Variants in TMX2 observed in about 807,000 individuals in gnomAD.
TMX2 encodes the protein thioredoxin-related transmembrane protein 2.
In TMX2, 20 loss-of-function variants were observed where a neutral mutation model predicts 33.4. The ratio of observed to expected loss-of-function variants is 0.60; its 90% CI spans 0.42 to 0.87. The LOEUF is 0.87. Among genes scored for constraint, TMX2 ranks in the 40% least tolerant of loss-of-function variants. The pLI, the probability that TMX2 is intolerant of heterozygous loss-of-function variation, is 0.00. For synonymous variants in TMX2, 166 were observed against 140.7 expected (o/e 1.18, Z -1.27); for missense variants, 340 against 370.7 (o/e 0.92, Z 0.68).
intron 7 of TMX2, 60 bp downstream of exon 7, chr11:57,739,320 C>T (rs939341323): frequency 1.9e-6 from 3 of 1,593,304 alleles, no homozygotes; most frequent in Non-Finnish European, 2.6e-6. Context: ...GCTTTCAAGC[C>T]CTACCCGGGT....
chr11:57,738,409 C>T lies in TMX2; in HGVS notation c.420C>T (p.Tyr140=). Residue 140 remains tyrosine (Y), a synonymous_variant, in exon 4 of 8, where the codon TAC becomes TAT. Coordinates refer to ENST00000278422, the MANE Select transcript of TMX2 (RefSeq NM_015959.4). ...ATATGGGCCCTGAGTATATCAAGTA[C>T]TTCAATGATAAAACCATTGATGTGA... The part of the protein sequence containing the change: ...PLYMGPEYIK[Y]FNDKTIDEEL... 1.2e-6 allele frequency: 2 copies of T among 1,611,958 alleles called. No individual in the cohort carries two copies. The highest frequency in any genetic ancestry group is 1.7e-6 in the Non-Finnish European group (2 of 1,178,122).
At chr11:57,715,500 C>G (rs553152924) in intron 1 of TMX2, among the ~76,000 whole-genome samples, 151 of 150,048 alleles carry the variant, frequency 1.0e-3, no homozygotes, top group Non-Finnish European at 1.7e-3. Context: ...ATAAACTTTA[C>G]AAACAAATCT....
chr11:57,731,527 A>G (rs1350927409), intron 1 of TMX2, among the ~76,000 whole-genome samples: 1 of 146,884 alleles, frequency 6.8e-6, no homozygotes, highest in African/African-American at 2.5e-5. Flanking sequence ...ATCAAGCTGT[A>G]GAGCACCTTG....
At chr11:57,721,345 GTTTTT>G (rs71061532) in intron 1 of TMX2, among the ~76,000 whole-genome samples, 2 of 105,266 alleles carry the variant, frequency 1.9e-5, no homozygotes, top group Non-Finnish European at 3.9e-5. Flanking sequence ...AATAAATAAA[GTTTTT>G]TTTTTTTTTT....
intron 4 of TMX2, 80 bp from the exon 5 acceptor site, chr11:57,738,584 T>A (rs940841424): frequency 1.8e-4 from 235 of 1,329,850 alleles, no homozygotes; most frequent in Non-Finnish European, 2.0e-4. Context: ...AACACCAGGA[T>A]GAGGAATTAG....
chr11:57,740,281 T>C lies in TMX2; in HGVS notation c.*36T>C, dbSNP rs1949009030. 1.9e-6 allele frequency: 3 copies of C among 1,540,892 alleles called. No homozygotes were observed. Among genetic ancestry groups the C allele is most frequent in the Middle Eastern group, 1.7e-4 (1 of 5,738 alleles). On this transcript the variant is annotated 3_prime_UTR_variant, in exon 8 of 8. Coordinates refer to ENST00000278422, the MANE Select transcript of TMX2 (RefSeq NM_015959.4). ...TTGGCAGTGCTTCCTCTCCTGTCAA[T>C]TCCAGGCTCTTTCCATAACCACAAG...
chr11:57,722,296 C>T (rs566969825), intron 1 of TMX2, among the ~76,000 whole-genome samples: 39 of 152,182 alleles, frequency 2.6e-4, no homozygotes, highest in Non-Finnish European at 4.6e-4. Context: ...GCCACCGCAC[C>T]CAGCTTCAGT....
intron 1 of TMX2, among the ~76,000 whole-genome samples, chr11:57,730,026 C>G (rs989965450): frequency 4.0e-5 from 6 of 151,238 alleles, no homozygotes; most frequent in Admixed American, 2.6e-4. Flanking sequence ...ATCGCTTGAA[C>G]CCGGGAGATG....
At chr11:57,731,125 G>GTTTTTTTTTTTTTTTTTTTTTTTTT in intron 1 of TMX2, among the ~76,000 whole-genome samples, 1 of 85,862 alleles carries the variant, frequency 1.2e-5, no homozygotes, top group Admixed American at 1.5e-4. Context: ...TTTGTTTTTT[G>GTTTTTTTTTTTTTTTTTTTTTTTTT]TTTTTTTTTT....
Position 57,712,630 on chromosome 11 carries a change from G to C in TMX2, c.12G>C (p.Leu4Phe), listed in dbSNP as rs775041335. Reference sequence around the variant, plus strand: ...TTACGGCCGAAAAGATGGCGGTCTTGGCACCTCTAATTGCTCTCGTGTATT... The same window carrying C: ...TTACGGCCGAAAAGATGGCGGTCTTCGCACCTCTAATTGCTCTCGTGTATT... MAV[L>F]APLIALVYSV... The change falls in exon 1 of 8, where the codon TTG becomes TTC. Residue 4 changes from leucine to phenylalanine, a missense_variant. This residue lies in a region of TMX2 where 106 missense variants were observed against 82.7 expected (regional missense o/e 1.28). Coordinates refer to ENST00000278422, the MANE Select transcript of TMX2 (RefSeq NM_015959.4). The C allele has an allele frequency of 3.7e-6, 6 of 1,613,122 alleles. No individual in the cohort carries two copies. In the African/African-American group the frequency reaches 4.0e-5, roughly 11 times the overall value.
chr11:57,737,384 G>A (rs1006448017), intron 1 of TMX2, among the ~76,000 whole-genome samples: 4 of 152,190 alleles, frequency 2.6e-5, no homozygotes, highest in African/African-American at 9.7e-5. Context: ...GTGAAACTCT[G>A]TCTCAAAAAG....
At chr11:57,720,911 T>C (rs1266654567) in intron 1 of TMX2, among the ~76,000 whole-genome samples, 2 of 152,216 alleles carry the variant, frequency 1.3e-5, no homozygotes, top group African/African-American at 2.4e-5. Flanking sequence ...TTAACTTGTG[T>C]TTTGAATCTG....
intron 1 of TMX2, among the ~76,000 whole-genome samples, chr11:57,718,719 G>A (rs1947348989): frequency 7.4e-6 from 1 of 135,794 alleles, no homozygotes; most frequent in Non-Finnish European, 1.5e-5. Flanking sequence ...TCAGTGGTGT[G>A]ATCTTGGCTC....
intron 1 of TMX2, among the ~76,000 whole-genome samples, chr11:57,728,446 C>G (rs187450432): frequency 2.0e-5 from 3 of 152,058 alleles, no homozygotes; most frequent in South Asian, 4.1e-4. Flanking sequence ...AGGAGTTGCC[C>G]GAGACTGGAG....
chr11:57,719,746 G>T (rs935474743), intron 1 of TMX2, among the ~76,000 whole-genome samples: 2 of 151,196 alleles, frequency 1.3e-5, no homozygotes, highest in African/African-American at 2.4e-5. Context: ...TGAACTCCTG[G>T]GCTCAAGTGG....
Position 57,712,784 on chromosome 11 carries a change from G to A in TMX2, c.166G>A (p.Gly56Ser), listed in dbSNP as rs367990143. ...CGGTCTGCCCACCCAACGCGAAGAC[G>A]GTAACCCGTGTGACTTTGACTGGGT... ...CHGLPTQRED[G>S]NPCDFDWREV... Residue 56 changes from glycine to serine, a missense_variant, in exon 1 of 8, where the codon GGT becomes AGT. Physicochemically the swap from Gly to Ser is moderately conservative, Grantham distance 56. This residue lies in a region of TMX2 where 106 missense variants were observed against 82.7 expected (regional missense o/e 1.28). Coordinates refer to ENST00000278422, the MANE Select transcript of TMX2 (RefSeq NM_015959.4). 1.2e-6 allele frequency: 2 copies of A among 1,614,106 alleles called. No homozygotes were observed. The highest frequency in any genetic ancestry group is 8.5e-7 in the Non-Finnish European group (1 of 1,180,024).
intron 1 of TMX2, among the ~76,000 whole-genome samples, chr11:57,735,385 A>G (rs529360668): frequency 6.6e-6 from 1 of 151,694 alleles, no homozygotes; most frequent in East Asian, 2.0e-4. Context: ...ATTTTTTTGT[A>G]TTTTTAGTAG....
At position 57,735,845 on chromosome 11, in the gene TMX2, C is replaced by T. The variant is rs552094421; in HGVS notation, c.190-1763C>T. 4.7e-4 allele frequency among the ~76,000 whole-genome samples: 72 copies of T among 152,324 alleles called. 1 individual carries two copies. Among genetic ancestry groups the T allele is most frequent in the African/African-American group, 1.6e-3 (65 of 41,570 alleles). Reference sequence around the variant, plus strand: ...TGAAGCAGAGGACACAGAAACTATGCATTCTCCTTAGCCTGGCCAGATCCA... The same window carrying T: ...TGAAGCAGAGGACACAGAAACTATGTATTCTCCTTAGCCTGGCCAGATCCA... On this transcript the variant is annotated intron_variant, in intron 1 of 7. Coordinates refer to ENST00000278422, the MANE Select transcript of TMX2 (RefSeq NM_015959.4).
Position 57,712,923 on chromosome 11 carries a change from G to A in TMX2, c.189+116G>A, listed in dbSNP as rs1043288504. ...ACACCTGAGGTTCCGAGCCTGTAGC[G>A]GACTTAGAGACTATTAAGTGCAGGG... is the stretch of plus-strand genomic sequence containing the variant. On this transcript the variant is annotated intron_variant, in intron 1 of 7. Transcript: ENST00000278422. The A allele has an allele frequency of 8.9e-6, 10 of 1,124,580 alleles. No individual in the cohort carries two copies. In the African/African-American group the frequency reaches 9.3e-5, roughly 10 times the overall value. The allele number at this position is 1,124,580 out of a possible 1,614,324, so 69.7% of individuals were successfully genotyped here. A position where few individuals can be genotyped will look rare whatever the true frequency, so the allele number is the denominator to read the frequency against.
Sources: gnomAD v4.1 joint callset for allele counts (sites outside exome capture counted in the v4.1 genomes callset) on GRCh38, gnomAD v4.1.1 for gene constraint, gnomAD v4.1.1 regional missense constraint, MANE v1.5 for transcripts, NCBI Gene and HGNC (gene_info 2026-07-23, HGNC 2026-07-21) for gene names.